Variants in RNF216 observed in about 807,000 individuals in gnomAD.
RNF216 encodes ring finger protein 216.
Under a neutral mutation model 110.8 loss-of-function variants are expected in RNF216, and 72 were observed. The observed-to-expected ratio is 0.65, with a 90% confidence interval of 0.54 to 0.79. The LOEUF is 0.79. Ranked by LOEUF, RNF216 falls within the 30% of genes least tolerant of loss-of-function variation. The probability of loss-of-function intolerance (pLI) is 0.00; values close to 1 mark genes in which losing one functional copy is unlikely to be tolerated. For synonymous variants in RNF216, 495 were observed against 407.5 expected, an observed-to-expected ratio of 1.21 and a Z score of -2.59; for missense variants, 1,342 against 1,141.2, an observed-to-expected ratio of 1.18 and a Z score of -2.54.
intron 10 of RNF216, among the ~76,000 whole-genome samples, chr7:5,715,929 G>C (rs1055137686): frequency 6.6e-6 from 1 of 152,014 alleles, no homozygotes; most frequent in African/African-American, 2.4e-5. Context: ...TTTTAGTAGA[G>C]ACGGGGTTTC....
chr7:5,731,490 G>T (rs551650230), intron 5 of RNF216, among the ~76,000 whole-genome samples: 1 of 151,440 alleles, frequency 6.6e-6, no homozygotes, highest in South Asian at 2.1e-4. Context: ...GCTATATAGA[G>T]TGAGATAACA....
At chr7:5,743,154 G>A (rs1042313812) in intron 3 of RNF216, among the ~76,000 whole-genome samples, 2 of 151,864 alleles carry the variant, frequency 1.3e-5, no homozygotes, top group African/African-American at 4.8e-5. Flanking sequence ...CCAGCTACTC[G>A]GGAGGCTGAC....
intron 3 of RNF216, among the ~76,000 whole-genome samples, chr7:5,747,650 C>A (rs1341418683): frequency 7.0e-6 from 1 of 141,882 alleles, no homozygotes; most frequent in Non-Finnish European, 1.5e-5. Context: ...ACTCTGGAGG[C>A]TGAGGCACAA....
At chr7:5,623,660 C>T (rs1399756409) in intron 16 of RNF216, among the ~76,000 whole-genome samples, 1 of 152,036 alleles carries the variant, frequency 6.6e-6, no homozygotes, top group Non-Finnish European at 1.5e-5. Flanking sequence ...CCCCAACCTC[C>T]TGGGATCCAG....
intron 3 of RNF216, among the ~76,000 whole-genome samples, chr7:5,742,894 C>T (rs950449775): frequency 2.6e-5 from 4 of 151,972 alleles, no homozygotes; most frequent in Non-Finnish European, 4.4e-5. Context: ...CCGCGCTTGG[C>T]CGATGTGTGA....
In RNF216 at chr7:5,741,734, T is replaced by C; in HGVS notation, c.283A>G (p.Arg95Gly). ...WQDLKRLGEE[R>G]PKKSRAAFES... The stretch of plus-strand genomic sequence containing the variant: ...AATGCTGCTCTAGACTTTTTAGGCC[T>C]TTCTTCTCCCAACCTTTTCAGATCT... The change falls in exon 4 of 17, where the codon AGG becomes GGG. Residue 95 changes from arginine to glycine, a missense_variant. Coordinates refer to ENST00000389902, the MANE Select transcript of RNF216 (RefSeq NM_207111.4). The C allele has an allele frequency of 6.2e-7, 1 of 1,614,206 alleles. No homozygotes were observed. Among genetic ancestry groups the C allele is most frequent in the South Asian group, 1.1e-5 (1 of 91,080 alleles).
At chr7:5,764,895 C>T (rs75307927) in intron 1 of RNF216, among the ~76,000 whole-genome samples, 22 of 151,834 alleles carry the variant, frequency 1.4e-4, no homozygotes, top group African/African-American at 4.3e-4. Context: ...TGGTGAGACC[C>T]CATCTCTACA....
rs1387450053 is a variant in RNF216, at chr7:5,712,846, C to A, written c.1851G>T (p.Met617Ile). Residue 617 changes from methionine (M) to isoleucine (I), a missense_variant, in exon 12 of 17, where the codon ATG becomes ATT. Physicochemically the swap from Met to Ile is conservative, Grantham distance 10 (BLOSUM62 1). Coordinates refer to ENST00000389902, the MANE Select transcript of RNF216 (RefSeq NM_207111.4). ...FGSGKLELSC[M>I]EGSCTCSFPT... Reference sequence around the variant, plus strand: ...GGAACGAACACGTGCAGCTGCCTTCCATGCAGCTGAGCTCCAACTAGAAAA... The same window carrying A: ...GGAACGAACACGTGCAGCTGCCTTCAATGCAGCTGAGCTCCAACTAGAAAA... 4 of 1,613,112 alleles carry A rather than the reference C, an allele frequency of 2.5e-6. No homozygotes were observed. The highest frequency in any genetic ancestry group is 3.4e-6 in the Non-Finnish European group (4 of 1,179,492).
chr7:5,623,521 A>G (rs1562763704), intron 16 of RNF216, among the ~76,000 whole-genome samples: 1 of 151,692 alleles, frequency 6.6e-6, no homozygotes, highest in Non-Finnish European at 1.5e-5. Context: ...GCTGGTCTCA[A>G]ACTCCTGGGC....
At chr7:5,768,609 A>G (rs1244221165) in intron 1 of RNF216, among the ~76,000 whole-genome samples, 1 of 152,158 alleles carries the variant, frequency 6.6e-6, no homozygotes, top group Non-Finnish European at 1.5e-5. Flanking sequence ...GTTCTCTGAC[A>G]ACAGTCAATA....
In RNF216 at chr7:5,624,090, C is replaced by T. The variant is rs1203096702; in HGVS notation, c.2418G>A (p.Lys806=). The part of the protein sequence containing the change: ...DDEKLIEEIQ[K]EAEEEQKRKN... ...TTCTTTTCTGTTCCTCTTCAGCCTC[C>T]TTCTGGATTTCCTCAATAAGCTTCT... is the stretch of plus-strand genomic sequence containing the variant. The change falls in exon 16 of 17, where the codon AAG becomes AAA. Residue 806 remains lysine (K), a synonymous_variant. Coordinates refer to ENST00000389902, the MANE Select transcript of RNF216 (RefSeq NM_207111.4). This position sits in a 1 kb window ranked among gnomAD's most constrained non-coding sequence, Gnocchi z 4.4. 1.2e-6 allele frequency: 2 copies of T among 1,613,856 alleles called. No individual in the cohort carries two copies. Among genetic ancestry groups the T allele is most frequent in the East Asian group, 2.2e-5 (1 of 44,878 alleles).
intron 14 of RNF216, among the ~76,000 whole-genome samples, chr7:5,651,038 T>C (rs1426997623): frequency 1.3e-5 from 2 of 152,224 alleles, no homozygotes; most frequent in African/African-American, 2.4e-5. Flanking sequence ...ACCAATGCGA[T>C]ACGAGCGGAA....
intron 13 of RNF216, among the ~76,000 whole-genome samples, chr7:5,667,792 A>G (rs1396303364): frequency 3.3e-5 from 5 of 152,218 alleles, no homozygotes; most frequent in African/African-American, 1.2e-4. Context: ...CCTTCCAGGT[A>G]GGACAAAGAC....
chr7:5,675,497 C>G (rs571654700), intron 13 of RNF216, among the ~76,000 whole-genome samples: 2 of 152,178 alleles, frequency 1.3e-5, no homozygotes, highest in East Asian at 3.9e-4. Flanking sequence ...AAAAAATTAG[C>G]TGAGTGTAGT....
intron 13 of RNF216, among the ~76,000 whole-genome samples, chr7:5,677,822 G>T (rs574558191): frequency 6.6e-6 from 1 of 152,256 alleles, no homozygotes; most frequent in East Asian, 1.9e-4. Flanking sequence ...AACTAAATCA[G>T]AATCCAGTAG....
intron 3 of RNF216, among the ~76,000 whole-genome samples, chr7:5,743,292 T>C (rs1214236151): frequency 6.6e-6 from 1 of 151,932 alleles, no homozygotes; most frequent in African/African-American, 2.4e-5. Context: ...AATACATAAA[T>C]ATAAATAAAA....
At chr7:5,701,653 G>T (rs753597899) in intron 13 of RNF216, among the ~76,000 whole-genome samples, 1 of 152,198 alleles carries the variant, frequency 6.6e-6, no homozygotes, top group Non-Finnish European at 1.5e-5. Context: ...GGAGGAGCTA[G>T]AATTAAAGCA....
At chr7:5,647,540 C>T (rs1562786983) in intron 14 of RNF216, among the ~76,000 whole-genome samples, 1 of 151,912 alleles carries the variant, frequency 6.6e-6, no homozygotes, top group East Asian at 1.9e-4. Flanking sequence ...CACTTTGTTG[C>T]CCAGGCTGGT....
chr7:5,647,402 T>C (rs1344918453), intron 14 of RNF216, among the ~76,000 whole-genome samples: 26 of 148,738 alleles, frequency 1.7e-4, no homozygotes, highest in Non-Finnish European at 1.5e-5. Context: ...TGTACAATCA[T>C]GGCTTACTGC....
Sources: allele counts gnomAD v4.1 joint callset (sites outside exome capture counted in the v4.1 genomes callset), GRCh38; gene constraint gnomAD v4.1.1; non-coding constraint Gnocchi (gnomAD v3.1); transcripts MANE v1.5; gene names NCBI Gene and HGNC (gene_info 2026-07-23, HGNC 2026-07-21).